Variants in DGKB observed in about 807,000 individuals in gnomAD.
DGKB encodes 90 kDa diacylglycerol kinase.
In DGKB, 67 loss-of-function variants were observed where a neutral mutation model predicts 114.3. The ratio of observed to expected loss-of-function variants is 0.59; its 90% CI spans 0.48 to 0.72. DGKB has a LOEUF of 0.72. Ranked by LOEUF, DGKB falls within the 30% of genes least tolerant of loss-of-function variation. The probability of loss-of-function intolerance (pLI) is 0.00; values close to 1 mark genes in which losing one functional copy is unlikely to be tolerated. For missense variants in DGKB, 907 were observed against 975.2 expected (o/e 0.93, Z 0.93); for synonymous variants, 398 against 323.1 (o/e 1.23, Z -2.49).
chr7:14,266,441 G>C (rs1031336631), intron 23 of DGKB, among the ~76,000 whole-genome samples: 7 of 152,132 alleles, frequency 4.6e-5, no homozygotes, highest in Admixed American at 3.3e-4. Context: ...GCTTACTGCT[G>C]CAGCTGTATG....
chr7:14,552,039 G>A (rs1795178544), intron 20 of DGKB, among the ~76,000 whole-genome samples: 1 of 151,782 alleles, frequency 6.6e-6, no homozygotes, highest in Non-Finnish European at 1.5e-5. Context: ...CTTTTTGGAG[G>A]GCTAAATATG....
intron 23 of DGKB, among the ~76,000 whole-genome samples, chr7:14,296,675 A>G (rs546460805): frequency 2.6e-5 from 4 of 152,130 alleles, no homozygotes; most frequent in African/African-American, 9.6e-5. Flanking sequence ...AGCTAGCAGA[A>G]GACAAGAAGT....
intron 20 of DGKB, among the ~76,000 whole-genome samples, chr7:14,547,918 G>T (rs1794548506): frequency 6.6e-6 from 1 of 152,084 alleles, no homozygotes; most frequent in Non-Finnish European, 1.5e-5. Context: ...TGAAATATGG[G>T]TATGAAAAAT....
intron 20 of DGKB, among the ~76,000 whole-genome samples, chr7:14,556,644 A>G (rs1563500454): frequency 6.6e-6 from 1 of 152,162 alleles, no homozygotes; most frequent in African/African-American, 2.4e-5. Context: ...TTTAAAACAA[A>G]TAATTGTAGT....
At chr7:14,521,438 G>C (rs1789751569) in intron 20 of DGKB, among the ~76,000 whole-genome samples, 1 of 152,066 alleles carries the variant, frequency 6.6e-6, no homozygotes, top group African/African-American at 2.4e-5. Context: ...TTTGTGGTTG[G>C]TTGATTTTAG....
At chr7:14,351,899 C>T (rs1299345041) in intron 21 of DGKB, among the ~76,000 whole-genome samples, 1 of 151,696 alleles carries the variant, frequency 6.6e-6, no homozygotes, top group African/African-American at 2.4e-5. Context: ...GAAATGTGTA[C>T]TTTTTTTTGG....
intron 23 of DGKB, among the ~76,000 whole-genome samples, chr7:14,259,380 TC>T (rs1796404974): frequency 1.1e-5 from 1 of 89,480 alleles, no homozygotes; most frequent in Non-Finnish European, 2.4e-5. Flanking sequence ...TAGTAAAGTT[TC>T]TCTCTCTCTC....
At chr7:14,956,847 C>G (rs768817491) in intron 1 of DGKB, among the ~76,000 whole-genome samples, 1 of 149,518 alleles carries the variant, frequency 6.7e-6, no homozygotes, top group Non-Finnish European at 1.5e-5. Context: ...AGGGAAAAGT[C>G]GTTTCAATTT....
intron 21 of DGKB, among the ~76,000 whole-genome samples, chr7:14,452,133 T>A (rs2128843126): frequency 6.6e-6 from 1 of 152,196 alleles, no homozygotes; most frequent in South Asian, 2.1e-4. Context: ...CAATATTTCC[T>A]GCCCAATAGA....
rs543424793 is a variant in DGKB at position 14,418,195 on chromosome 7, T to A, written c.1835+59966A>T. On this transcript the variant is annotated intron_variant, in intron 21 of 25. Transcript: ENST00000402815. ...ATTTTATAAATATAAATATAAAAAA[T>A]TTTATATTTATAAATGTATATATTA... 5.8e-3 allele frequency among the ~76,000 whole-genome samples: 732 copies of A among 126,786 alleles called. 5 individuals carry two copies. Among genetic ancestry groups the A allele is most frequent in the Middle Eastern group, 0.02 (4 of 204 alleles). 83.2% of individuals were successfully genotyped at this position (126,786 alleles called of 152,430 possible). A position where few individuals can be genotyped will look rare whatever the true frequency, so the allele number is the denominator to read the frequency against.
At chr7:14,353,720 C>T (rs1813923952) in intron 21 of DGKB, among the ~76,000 whole-genome samples, 1 of 151,978 alleles carries the variant, frequency 6.6e-6, no homozygotes, top group Admixed American at 6.6e-5. Context: ...ATTAGAAAAC[C>T]TAAATGAATA....
In DGKB at chr7:14,640,992, C is replaced by G. The variant is rs112913198; in HGVS notation, c.1135-10724G>C. ...TAATGCTATTAGCTCTAGATATATG[C>G]CTTGCCCCAACCCCAAATTTCTTTG... On this transcript the variant is annotated intron_variant, in intron 13 of 25. Coordinates refer to ENST00000402815, the MANE Select transcript of DGKB (RefSeq NM_001350709.2). Among the ~76,000 whole-genome samples the G allele has an allele frequency of 8.7e-3, 1,321 of 152,160 alleles. 14 individuals are homozygous for G. Among genetic ancestry groups the G allele is most frequent in the African/African-American group, 0.03 (1,231 of 41,504 alleles).
chr7:14,629,231 TATA>T (rs1342672823), intron 14 of DGKB, among the ~76,000 whole-genome samples: 25 of 152,072 alleles, frequency 1.6e-4, no homozygotes, highest in Non-Finnish European at 2.5e-4. Context: ...ATCTCTATTT[TATA>T]ATAATAATTG....
chr7:14,239,477 AG>A (rs1191144367), intron 23 of DGKB, among the ~76,000 whole-genome samples: 1 of 152,056 alleles, frequency 6.6e-6, no homozygotes, highest in Non-Finnish European at 1.5e-5. Context: ...TTAATACCTA[AG>A]TTTCAAGCAA....
chr7:14,862,469 T>C (rs1237357352), intron 1 of DGKB, among the ~76,000 whole-genome samples: 1 of 152,094 alleles, frequency 6.6e-6, no homozygotes, highest in Non-Finnish European at 1.5e-5. Context: ...TTAGTGGTTA[T>C]AACAACTTTC....
intron 17 of DGKB, among the ~76,000 whole-genome samples, chr7:14,586,442 C>A (rs924253889): frequency 6.6e-6 from 1 of 152,070 alleles, no homozygotes; most frequent in Non-Finnish European, 1.5e-5. Context: ...AGGAAAGAAG[C>A]TGTATAAACA....
At chr7:14,314,571 A>T (rs930483496) in intron 23 of DGKB, among the ~76,000 whole-genome samples, 1 of 152,084 alleles carries the variant, frequency 6.6e-6, no homozygotes, top group African/African-American at 2.4e-5. Context: ...GGGAGAAGGA[A>T]AGTTTAGAGA....
chr7:14,653,519 G>C (rs371721916), intron 13 of DGKB, among the ~76,000 whole-genome samples: 24 of 152,094 alleles, frequency 1.6e-4, no homozygotes, highest in African/African-American at 5.1e-4. Flanking sequence ...GTGGGGGTAG[G>C]GGGGAGGGAT....
chr7:14,439,865 CAAA>C (rs756256822), intron 21 of DGKB, among the ~76,000 whole-genome samples: 1 of 104,096 alleles, frequency 9.6e-6, no homozygotes, highest in Admixed American at 1.1e-4. Flanking sequence ...ACTCTGTTTC[CAAA>C]AAAAAAAAAA....
Sources: gnomAD v4.1 joint callset for allele counts (sites outside exome capture counted in the v4.1 genomes callset) on GRCh38, gnomAD v4.1.1 for gene constraint, MANE v1.5 for transcripts, NCBI Gene and HGNC (gene_info 2026-07-23, HGNC 2026-07-21) for gene names.